Variants in CALN1 observed in about 807,000 individuals in gnomAD.
CALN1 encodes calcium-binding protein 8.
CALN1 carries 17 observed loss-of-function variants against 30.6 expected under a neutral mutation model. That is an observed-to-expected ratio of 0.56 (90% CI 0.38 to 0.83). CALN1 has a LOEUF of 0.83. Ranked by LOEUF, CALN1 falls within the 40% of genes least tolerant of loss-of-function variation. The pLI is 0.00. For synonymous variants in CALN1, 156 were observed against 131.4 expected, an observed-to-expected ratio of 1.19 and a Z score of -1.28; for missense variants, 291 against 354.9, an observed-to-expected ratio of 0.82 and a Z score of 1.45.
At chr7:72,157,363 C>T (rs1787771783) in intron 3 of CALN1, among the ~76,000 whole-genome samples, 1 of 152,072 alleles carries the variant, frequency 6.6e-6, no homozygotes, top group Admixed American at 6.6e-5. Flanking sequence ...GTAATCCCAG[C>T]ACTTTAAGAG....
At chr7:72,326,586 C>A (rs546992958) in intron 2 of CALN1, among the ~76,000 whole-genome samples, 5 of 152,220 alleles carry the variant, frequency 3.3e-5, no homozygotes, top group Non-Finnish European at 7.3e-5. Flanking sequence ...CATCAGTGTT[C>A]AGTACAGATG....
At chr7:72,076,316 A>AGCTG (rs1303800435) in intron 4 of CALN1, among the ~76,000 whole-genome samples, 1 of 151,502 alleles carries the variant, frequency 6.6e-6, no homozygotes, top group Non-Finnish European at 1.5e-5. Flanking sequence ...AAAAAAAAGC[A>AGCTG]GGCCAGGTGC....
intron 2 of CALN1, among the ~76,000 whole-genome samples, chr7:72,348,940 G>C (rs1802783108): frequency 6.6e-6 from 1 of 152,014 alleles, no homozygotes; most frequent in African/African-American, 2.4e-5. Flanking sequence ...AATGGAATCT[G>C]CAGAAAGGGG....
At chr7:72,367,230 T>C (rs568572604) in intron 2 of CALN1, among the ~76,000 whole-genome samples, 1 of 152,272 alleles carries the variant, frequency 6.6e-6, no homozygotes, top group East Asian at 1.9e-4. Flanking sequence ...GTCACACCTG[T>C]AATCCAAACA....
chr7:72,399,496 CTT>C (rs1381066514), intron 2 of CALN1, among the ~76,000 whole-genome samples: 3 of 152,090 alleles, frequency 2.0e-5, no homozygotes, highest in African/African-American at 7.2e-5. Flanking sequence ...GTCTCGATCT[CTT>C]GACCTCGTGA....
At chr7:72,420,898 G>C (rs927164816) in intron 1 of CALN1, among the ~76,000 whole-genome samples, 1 of 152,108 alleles carries the variant, frequency 6.6e-6, no homozygotes, top group African/African-American at 2.4e-5. Context: ...ACAGGCATGA[G>C]CCACCACGCC....
intron 5 of CALN1, among the ~76,000 whole-genome samples, chr7:71,922,230 G>A (rs1014804348): frequency 6.6e-5 from 10 of 152,026 alleles, no homozygotes; most frequent in African/African-American, 2.2e-4. Context: ...TCTTTGGCAC[G>A]CTATGAAGGA....
chr7:72,007,434 C>T (rs1289299390), intron 5 of CALN1, among the ~76,000 whole-genome samples: 1 of 152,148 alleles, frequency 6.6e-6, no homozygotes, highest in Non-Finnish European at 1.5e-5. Flanking sequence ...GTAGTCCCAG[C>T]TACTTGGGAG....
chr7:72,183,923 A>G (rs1014661119), intron 3 of CALN1, among the ~76,000 whole-genome samples: 6 of 152,054 alleles, frequency 3.9e-5, no homozygotes, highest in Non-Finnish European at 8.8e-5. Flanking sequence ...TTTTTCTAGT[A>G]AAGTCGCTTC....
chr7:71,862,999 C>G (rs758082188), intron 5 of CALN1, among the ~76,000 whole-genome samples: 31 of 151,428 alleles, frequency 2.0e-4, no homozygotes, highest in Non-Finnish European at 3.4e-4. Flanking sequence ...TGGCTCACGC[C>G]TATAATCCCA....
chr7:72,262,334 G>A (rs1241113312), intron 3 of CALN1, among the ~76,000 whole-genome samples: 1 of 152,174 alleles, frequency 6.6e-6, no homozygotes, highest in Non-Finnish European at 1.5e-5. Flanking sequence ...GGTCTTAGAG[G>A]ATCCTGGATC....
rs114655933 is a variant in CALN1 at position 72,244,446 on chromosome 7, G to A, written c.244+34240C>T. Among the ~76,000 whole-genome samples, 786 of 152,132 alleles carry A rather than the reference G, an allele frequency of 5.2e-3. 8 individuals carry two copies. Among genetic ancestry groups the A allele is most frequent in the African/African-American group, 0.017 (726 of 41,506 alleles). On this transcript the variant is annotated intron_variant, in intron 3 of 6. Coordinates refer to ENST00000395275, the MANE Select transcript of CALN1 (RefSeq NM_031468.4). ...AAAATAAGCGTGTTCCTGCTCTCTA[G>A]GATGTAATCCAGTAGAGGAACTAAA...
chr7:72,231,987 G>A (rs1202760268), intron 3 of CALN1, among the ~76,000 whole-genome samples: 1 of 152,208 alleles, frequency 6.6e-6, no homozygotes, highest in African/African-American at 2.4e-5. Context: ...CATTGAGAAG[G>A]AGCCTGACAG....
In CALN1 at chr7:72,209,318, C is replaced by CTCTT. The variant is rs1562740037; in HGVS notation, c.244+69367_244+69368insAAGA. Among the ~76,000 whole-genome samples the CTCTT allele has an allele frequency of 2.0e-4, 10 of 49,246 alleles. 2 individuals carry two copies. Among genetic ancestry groups the CTCTT allele is most frequent in the African/African-American group, 9.2e-4 (6 of 6,502 alleles). The allele number at this position is 49,246 out of a possible 152,430, so 32.3% of individuals were successfully genotyped here. A position where few individuals can be genotyped will look rare whatever the true frequency, so the allele number is the denominator to read the frequency against. The stretch of plus-strand genomic sequence containing the variant: ...CTTCCCTCTTTCCTTCCCTCCTTCC[C>CTCTT]TCCTTCCCTCTTTCCTTCCCTCTTT... On this transcript the variant is annotated intron_variant, in intron 3 of 6. Coordinates refer to ENST00000395275, the MANE Select transcript of CALN1 (RefSeq NM_031468.4).
At chr7:72,170,688 T>C (rs960866523) in intron 3 of CALN1, among the ~76,000 whole-genome samples, 1 of 152,240 alleles carries the variant, frequency 6.6e-6, no homozygotes, top group African/African-American at 2.4e-5. Flanking sequence ...GTCATTGTCA[T>C]GTCTTTATCA....
rs564058695 is a variant in CALN1, at chr7:71,913,475, C to T, written c.502-102983G>A. ...ACTAACTATAGAATTCAGGGCCAGG[C>T]TTCTCTCTATGTATAAGAAAGAAGG... On this transcript the variant is annotated intron_variant, in intron 5 of 6. Coordinates refer to ENST00000395275, the MANE Select transcript of CALN1 (RefSeq NM_031468.4). Among the ~76,000 whole-genome samples, 12 of 152,322 alleles carry T rather than the reference C, an allele frequency of 7.9e-5. No individual in the cohort carries two copies. The South Asian group carries it at 1.7e-3, about 21-fold the overall frequency.
chr7:72,171,409 G>A (rs753257321), intron 3 of CALN1, among the ~76,000 whole-genome samples: 1 of 152,140 alleles, frequency 6.6e-6, no homozygotes, highest in African/African-American at 2.4e-5. Context: ...AGGACTGCTT[G>A]AGGCAGGAGT....
At chr7:72,315,478 G>A (rs977683415) in intron 2 of CALN1, among the ~76,000 whole-genome samples, 3 of 151,968 alleles carry the variant, frequency 2.0e-5, no homozygotes, top group African/African-American at 4.8e-5. Context: ...AGGCCGAGGC[G>A]GGAAGATCAC....
chr7:72,309,648 GGA>G (rs1376157432), intron 2 of CALN1, among the ~76,000 whole-genome samples: 3 of 152,052 alleles, frequency 2.0e-5, no homozygotes, highest in African/African-American at 7.2e-5. Context: ...GGAAGGGCAG[GGA>G]GAGGCAAAAC....
Sources: gnomAD v4.1 joint callset for allele counts (sites outside exome capture counted in the v4.1 genomes callset) on GRCh38, gnomAD v4.1.1 for gene constraint, MANE v1.5 for transcripts, NCBI Gene and HGNC (gene_info 2026-07-23, HGNC 2026-07-21) for gene names.